Variants in UNC5D observed in about 807,000 individuals in gnomAD.
UNC5D encodes netrin receptor UNC5D.
UNC5D carries 39 observed loss-of-function variants against 105.4 expected under a neutral mutation model. The ratio of observed to expected loss-of-function variants is 0.37; its 90% CI spans 0.29 to 0.48. The LOEUF (loss-of-function observed/expected upper bound fraction) is 0.48. UNC5D is among the 20% of genes least tolerant of loss of function. UNC5D has a pLI of 0.98. For synonymous variants in UNC5D, 452 were observed against 450.4 expected (o/e 1.00, Z -0.04); for missense variants, 991 against 1,202.4 (o/e 0.82, Z 2.60).
intron 4 of UNC5D, among the ~76,000 whole-genome samples, chr8:35,615,150 G>A (rs1473094749): frequency 6.6e-6 from 1 of 151,738 alleles, no homozygotes; most frequent in Admixed American, 6.6e-5. Context: ...AAGGCAGGAG[G>A]ACTGCTTGAG....
At chr8:35,706,076 G>A (rs749487922) in intron 8 of UNC5D, 115 bp downstream of exon 8, 60 of 639,900 alleles carry the variant, frequency 9.4e-5, no homozygotes, top group Middle Eastern at 2.7e-4. Context: ...CAGGGCTTTC[G>A]AGGCCTCTCC....
At chr8:35,405,844 C>A (rs1378401179) in intron 1 of UNC5D, among the ~76,000 whole-genome samples, 1 of 152,060 alleles carries the variant, frequency 6.6e-6, no homozygotes, top group African/African-American at 2.4e-5. Flanking sequence ...GTGTGCTGCA[C>A]TGCAGTATGT....
rs761993145 is a variant in UNC5D, at chr8:35,722,356, G to C, written c.1264G>C (p.Gly422Arg). ...VDVIDSSALT[G>R]GFQTFNFKTV... ...CGTCATTGACTCTTCTGCATTGACA[G>C]GTGGCTTCCAGACCTTCAACTTCAA... is the stretch of plus-strand genomic sequence containing the variant. The change falls in exon 9 of 17, where the codon GGT (glycine) becomes CGT (arginine). Residue 422 changes from glycine (G) to arginine (R), a missense_variant. Coordinates refer to ENST00000404895, the MANE Select transcript of UNC5D (RefSeq NM_080872.4). The C allele has an allele frequency of 1.2e-6, 2 of 1,614,122 alleles. No individual in the cohort carries two copies. Among genetic ancestry groups the C allele is most frequent in the Admixed American group, 3.3e-5 (2 of 60,022 alleles).
chr8:35,358,638 A>G (rs6997453), intron 1 of UNC5D, among the ~76,000 whole-genome samples: 80,769 of 151,886 alleles, frequency 0.53, 22,233 homozygotes, highest in East Asian at 0.7. Context: ...CATGTACCCT[A>G]GAACTTAAAA....
Position 35,568,889 on chromosome 8 carries a change from G to A in UNC5D, c.466+648G>A, listed in dbSNP as rs181486282. On this transcript the variant is annotated intron_variant, in intron 3 of 16. Coordinates refer to ENST00000404895, the MANE Select transcript of UNC5D (RefSeq NM_080872.4). ...TGACAAAGTTCAAGGGGCACTTATGGGAAAAGTTGAGCAATGACTGTTTAC... is the reference window on the plus strand; with the variant it reads ...TGACAAAGTTCAAGGGGCACTTATGAGAAAAGTTGAGCAATGACTGTTTAC... Among the ~76,000 whole-genome samples the A allele has an allele frequency of 2.3e-3, 356 of 152,146 alleles. 2 individuals carry two copies. Among genetic ancestry groups the A allele is most frequent in the African/African-American group, 8.1e-3 (337 of 41,518 alleles).
intron 1 of UNC5D, among the ~76,000 whole-genome samples, chr8:35,346,730 A>G (rs1253690364): frequency 1.3e-5 from 2 of 152,018 alleles, no homozygotes; most frequent in East Asian, 3.9e-4. Flanking sequence ...TGAGTTGCTT[A>G]TTTTGACTGT....
chr8:35,408,551 T>A (rs540455036), intron 1 of UNC5D, among the ~76,000 whole-genome samples: 1 of 151,562 alleles, frequency 6.6e-6, no homozygotes, highest in Non-Finnish European at 1.5e-5. Context: ...TGTTTTCTGC[T>A]GACGTTTCGC....
intron 1 of UNC5D, among the ~76,000 whole-genome samples, chr8:35,461,175 G>A (rs1291768375): frequency 1.3e-5 from 2 of 152,160 alleles, no homozygotes; most frequent in Non-Finnish European, 2.9e-5. Context: ...AAGTTACAGA[G>A]CTCATAGTCT....
chr8:35,727,447 C>G (rs1828936723), intron 10 of UNC5D: 1 of 152,126 alleles, frequency 6.6e-6, no homozygotes. Context: ...ACCAACCTCT[C>G]AAATCGAGCA....
At chr8:35,297,736 T>C (rs1370361566) in intron 1 of UNC5D, among the ~76,000 whole-genome samples, 1 of 152,008 alleles carries the variant, frequency 6.6e-6, no homozygotes, top group Admixed American at 6.6e-5. Context: ...ATGTGACAGG[T>C]GTGAATTGTG....
At chr8:35,740,225 A>C (rs752610585) in intron 11 of UNC5D, among the ~76,000 whole-genome samples, 3 of 152,224 alleles carry the variant, frequency 2.0e-5, no homozygotes, top group Non-Finnish European at 4.4e-5. Context: ...AACCGTACAA[A>C]GGGGAATTTG....
At chr8:35,473,093 G>T (rs947719830) in intron 1 of UNC5D, among the ~76,000 whole-genome samples, 2 of 152,112 alleles carry the variant, frequency 1.3e-5, no homozygotes, top group African/African-American at 4.8e-5. Context: ...ACTGAAAATA[G>T]ATAACAAAAC....
chr8:35,758,569 C>T (rs1003828962), intron 13 of UNC5D, among the ~76,000 whole-genome samples: 16 of 152,194 alleles, frequency 1.1e-4, no homozygotes, highest in East Asian at 3.9e-4. Flanking sequence ...TTTCTTATAT[C>T]GTCTCTCCAA....
At chr8:35,423,506 A>G (rs1033174454) in intron 1 of UNC5D, among the ~76,000 whole-genome samples, 3 of 152,160 alleles carry the variant, frequency 2.0e-5, no homozygotes, top group South Asian at 2.1e-4. Flanking sequence ...AGCTAATTCT[A>G]TTTTTCTCAG....
intron 1 of UNC5D, among the ~76,000 whole-genome samples, chr8:35,334,198 A>G (rs1487000722): frequency 6.6e-6 from 1 of 152,226 alleles, no homozygotes; most frequent in East Asian, 1.9e-4. Flanking sequence ...AACTAACTGC[A>G]GTGATCAGAG....
At chr8:35,393,534 A>G (rs891970189) in intron 1 of UNC5D, among the ~76,000 whole-genome samples, 17 of 152,226 alleles carry the variant, frequency 1.1e-4, no homozygotes, top group African/African-American at 3.6e-4. Flanking sequence ...GAGTTTTTAT[A>G]TCTCACTGTC....
At chr8:35,435,705 G>A (rs2128979075) in intron 1 of UNC5D, among the ~76,000 whole-genome samples, 1 of 152,178 alleles carries the variant, frequency 6.6e-6, no homozygotes, top group Middle Eastern at 3.4e-3. Flanking sequence ...TTGTAGGTGG[G>A]GAGATGAACT....
At chr8:35,766,861 C>A (rs1380765395) in intron 14 of UNC5D, 41 bp from the exon 15 acceptor site, 38 of 1,573,158 alleles carry the variant, frequency 2.4e-5, no homozygotes, top group Non-Finnish European at 3.3e-5. Context: ...TCATCTCAGC[C>A]AGGCTCTGCA....
intron 4 of UNC5D, among the ~76,000 whole-genome samples, chr8:35,602,112 G>C (rs1049382516): frequency 6.6e-6 from 1 of 152,088 alleles, no homozygotes; most frequent in Non-Finnish European, 1.5e-5. Flanking sequence ...ATTGATTTTC[G>C]TATGTTGAAC....
Sources: gnomAD v4.1 joint callset for allele counts (sites outside exome capture counted in the v4.1 genomes callset) on GRCh38, gnomAD v4.1.1 for gene constraint, MANE v1.5 for transcripts, NCBI Gene and HGNC (gene_info 2026-07-23, HGNC 2026-07-21) for gene names.